GLIS2: variants seen among roughly 807,000 people sequenced by gnomAD.
GLIS2 encodes the protein zinc finger protein GLIS2.
A neutral mutation model predicts 35.6 loss-of-function variants in GLIS2; 14 were observed. The ratio of observed to expected loss-of-function variants is 0.39; its 90% CI spans 0.26 to 0.61. GLIS2 has a LOEUF of 0.61. Among genes scored for constraint, GLIS2 ranks in the 20% least tolerant of loss-of-function variants. The pLI is 0.48. For missense variants in GLIS2, 675 were observed against 713.4 expected (o/e 0.95, Z 0.61); for synonymous variants, 368 against 325.1 (o/e 1.13, Z -1.42).
rs1397961203 is a variant in GLIS2 at position 4,321,614 on chromosome 16, TG to T, written c.-67+5363del. Among the ~76,000 whole-genome samples the T allele has an allele frequency of 2.6e-5, 4 of 152,132 alleles. No individual in the cohort carries two copies. The East Asian group carries it at 7.7e-4, about 29-fold the overall frequency. ...AAACCCAGGCCTAGTTTTCTCATTC[TG>T]GGTTCCCTGCCTCACTGCCCAGTTC... On this transcript the variant is annotated intron_variant, in intron 1 of 6. Transcript: ENST00000433375.
At chr16:4,324,276 C>T (rs1010311184) in intron 1 of GLIS2, among the ~76,000 whole-genome samples, 2 of 152,286 alleles carry the variant, frequency 1.3e-5, no homozygotes, top group Middle Eastern at 3.4e-3. Flanking sequence ...CCTGGCCCCT[C>T]TCCTGGGATC....
intron 3 of GLIS2, 129 bp downstream of exon 3, chr16:4,333,648 C>CA: frequency 1.8e-6 from 2 of 1,108,526 alleles, no homozygotes; most frequent in Non-Finnish European, 2.5e-6. Context: ...AGGCTGGAGT[C>CA]TACCTGGAAG....
chr16:4,333,433 T>C lies in GLIS2; in HGVS notation c.259T>C (p.Ser87Pro), dbSNP rs2141131414. The C allele has an allele frequency of 1.2e-6, 2 of 1,612,910 alleles. No homozygotes were observed. The highest frequency in any genetic ancestry group is 1.7e-6 in the Non-Finnish European group (2 of 1,179,960). The change falls in exon 3 of 7, where the codon TCT becomes CCT. Residue 87 changes from serine to proline, a missense_variant. Ser to Pro is a moderately conservative substitution (Grantham distance 74). This residue lies in a region of GLIS2 where 225 missense variants were observed against 238.7 expected (regional missense o/e 0.94). Coordinates refer to ENST00000433375, the MANE Select transcript of GLIS2 (RefSeq NM_032575.3). Reference protein sequence around the residue: ...PLVDLSLSPPSGLDSPNGSSS... With the variant: ...PLVDLSLSPPPGLDSPNGSSS... ...CGTGGACCTCAGCCTGTCACCACCA[T>C]CTGGGCTGGACTCCCCCAATGGCAG...
chr16:4,324,163 G>T (rs1025979189), intron 1 of GLIS2, among the ~76,000 whole-genome samples: 1 of 152,218 alleles, frequency 6.6e-6, no homozygotes, highest in African/African-American at 2.4e-5. Context: ...AGGTCCGGGG[G>T]TGCTGGCTGA....
intron 6 of GLIS2, chr16:4,336,324 T>TTA (rs2053550752): frequency 2.7e-6 from 1 of 364,790 alleles, no homozygotes; most frequent in Admixed American, 3.8e-5. Flanking sequence ...TTTTCGTAGT[T>TTA]TTAGTAGAGA....
chr16:4,330,985 G>A (rs987688857), intron 1 of GLIS2, among the ~76,000 whole-genome samples: 2 of 152,136 alleles, frequency 1.3e-5, no homozygotes, highest in African/African-American at 4.8e-5. Flanking sequence ...TTGTTTGTTT[G>A]TTTGTTTTTG....
At chr16:4,328,375 G>T (rs1653456404) in intron 1 of GLIS2, 1 of 152,594 alleles carries the variant, frequency 6.6e-6, no homozygotes, top group Admixed American at 6.5e-5. Flanking sequence ...CAAAAGCACA[G>T]AGCAGAGCCC....
At position 4,337,812 on chromosome 16, in the gene GLIS2, ACCT is replaced by A. The variant is rs377612419; in HGVS notation, c.*294_*296del. The A allele has an allele frequency of 1.9e-3, 1,076 of 555,238 alleles. 10 individuals are homozygous for A. Among genetic ancestry groups the A allele is most frequent in the African/African-American group, 0.019 (985 of 52,756 alleles). The allele number at this position is 555,238 out of a possible 1,614,324, so 34.4% of individuals were successfully genotyped here. On this transcript the variant is annotated 3_prime_UTR_variant, in exon 7 of 7. Coordinates refer to ENST00000433375, the MANE Select transcript of GLIS2 (RefSeq NM_032575.3). The stretch of plus-strand genomic sequence containing the variant: ...CTTCTGAGAGGCTTTCCCCTGCCCG[ACCT>A]CCTCCCGTTTCCCTCTCCCACCCTG...
intron 6 of GLIS2, chr16:4,336,163 T>C (rs1043439858): frequency 5.0e-6 from 1 of 199,118 alleles, no homozygotes; most frequent in African/African-American, 2.3e-5. Flanking sequence ...GTCTTTTTTT[T>C]CTTGAGACAG....
At chr16:4,321,284 C>T (rs1005465855) in intron 1 of GLIS2, among the ~76,000 whole-genome samples, 1 of 152,130 alleles carries the variant, frequency 6.6e-6, no homozygotes, top group African/African-American at 2.4e-5. Context: ...GGGTCCCTTG[C>T]CTGGGACAGG....
At chr16:4,333,659 G>GTT in intron 3 of GLIS2, 140 bp downstream of exon 3, 5 of 1,010,254 alleles carry the variant, frequency 4.9e-6, no homozygotes, top group Non-Finnish European at 7.1e-6. Context: ...TACCTGGAAG[G>GTT]CTCTAGGGGA....
intron 1 of GLIS2, among the ~76,000 whole-genome samples, chr16:4,321,820 G>C (rs930782298): frequency 1.3e-5 from 2 of 152,204 alleles, no homozygotes; most frequent in African/African-American, 4.8e-5. Flanking sequence ...AGGGCCAGTG[G>C]GAGGCCTGGG....
chr16:4,336,322 GT>G, intron 6 of GLIS2: 1 of 364,854 alleles, frequency 2.7e-6, no homozygotes, highest in Non-Finnish European at 5.3e-6. Flanking sequence ...AGTTTTCGTA[GT>G]TTTAGTAGAG....
chr16:4,337,577 C>A lies in GLIS2; in HGVS notation c.*53C>A. The A allele has an allele frequency of 2.0e-6, 3 of 1,535,830 alleles. No individual in the cohort carries two copies. The highest frequency in any genetic ancestry group is 1.2e-5 in the South Asian group (1 of 84,112). On this transcript the variant is annotated 3_prime_UTR_variant, in exon 7 of 7. Transcript: ENST00000433375. The stretch of plus-strand genomic sequence containing the variant: ...CCCCCGGCAGCTCCCGGCACTGCCC[C>A]CGACGAACGGAAACTCTTCTGTGAA...
At chr16:4,319,936 G>A (rs959103802) in intron 1 of GLIS2, among the ~76,000 whole-genome samples, 1 of 152,106 alleles carries the variant, frequency 6.6e-6, no homozygotes, top group Non-Finnish European at 1.5e-5. Context: ...AGTGGGCCTG[G>A]GGGGCATGGA....
chr16:4,319,687 G>C (rs2053355713), intron 1 of GLIS2, among the ~76,000 whole-genome samples: 1 of 152,020 alleles, frequency 6.6e-6, no homozygotes, highest in Non-Finnish European at 1.5e-5. Context: ...AGCACCTCTA[G>C]TACTCTGCTG....
chr16:4,334,356 G>T (rs1184600151), intron 3 of GLIS2, among the ~76,000 whole-genome samples: 2 of 151,072 alleles, frequency 1.3e-5, no homozygotes, highest in African/African-American at 4.9e-5. Flanking sequence ...TCCTGCCTCA[G>T]CCTCCCAAAT....
At chr16:4,331,826 G>A (rs779325526) in intron 1 of GLIS2, 18 of 248,646 alleles carry the variant, frequency 7.2e-5, no homozygotes, top group South Asian at 1.5e-4. Flanking sequence ...GTGCCTGCCT[G>A]TAGTCCCAGC....
chr16:4,323,460 C>CGGG (rs557237259), intron 1 of GLIS2, among the ~76,000 whole-genome samples: 22 of 152,086 alleles, frequency 1.4e-4, no homozygotes, highest in African/African-American at 5.3e-4. Context: ...GGGCAGGCAG[C>CGGG]GGGGGGGTGG....
Sources: allele counts gnomAD v4.1 joint callset (sites outside exome capture counted in the v4.1 genomes callset), GRCh38; gene constraint gnomAD v4.1.1; regional missense constraint gnomAD v4.1.1; transcripts MANE v1.5; gene names NCBI Gene and HGNC (gene_info 2026-07-23, HGNC 2026-07-21).